CBLIF: variants seen among roughly 807,000 people sequenced by gnomAD.
CBLIF encodes the protein gastric intrinsic factor (vitamin B synthesis).
In CBLIF, 24 loss-of-function variants were observed where a neutral mutation model predicts 44.9. That is an observed-to-expected ratio of 0.53 (90% CI 0.39 to 0.75). The LOEUF (loss-of-function observed/expected upper bound fraction) is 0.75. Among genes scored for constraint, CBLIF ranks in the 30% least tolerant of loss-of-function variants. The pLI, the probability that CBLIF is intolerant of heterozygous loss-of-function variation, is 0.00. For missense variants in CBLIF, 481 were observed against 513.0 expected (o/e 0.94, Z 0.60); for synonymous variants, 183 against 190.9 (o/e 0.96, Z 0.34).
intron 7 of CBLIF, among the ~76,000 whole-genome samples, chr11:59,835,302 C>G (rs1250121250): frequency 6.6e-6 from 1 of 152,024 alleles, no homozygotes; most frequent in African/African-American, 2.4e-5. Flanking sequence ...CGTGCCACCA[C>G]GCCTGGCTAA....
chr11:59,834,311 T>TCTCTTTCTTC (rs1866422365), intron 7 of CBLIF, among the ~76,000 whole-genome samples: 1 of 35,564 alleles, frequency 2.8e-5, no homozygotes, highest in South Asian at 1.1e-3. Flanking sequence ...TTTCTTTCTT[T>TCTCTTTCTTC]CTTCCTTCCT....
rs540841570 is a variant in CBLIF at position 59,831,936 on chromosome 11, G to C, written c.1074-140C>G. On this transcript the variant is annotated intron_variant, in intron 7 of 8. Coordinates refer to ENST00000257248, the MANE Select transcript of CBLIF (RefSeq NM_005142.3). ...AGGTGTGACTTTGTTACCCAGGCTA[G>C]TGGTGAGATCCTAGCTTATGGCAGC... The C allele has an allele frequency of 1.3e-4, 89 of 666,132 alleles. 1 individual carries two copies. The South Asian group carries it at 1.4e-3, about 10-fold the overall frequency. 41.3% of individuals were successfully genotyped at this position (666,132 alleles called of 1,614,324 possible).
intron 1 of CBLIF, 181 bp downstream of exon 1, chr11:59,845,194 G>T: frequency 1.3e-6 from 1 of 791,328 alleles, no homozygotes; most frequent in East Asian, 3.2e-5. Context: ...ATATAGACTT[G>T]TCTCTCAAAG....
Position 59,843,182 on chromosome 11 carries a change from C to T in CBLIF, c.257-41G>A, listed in dbSNP as rs750543480. 3 of 1,197,298 alleles carry T rather than the reference C, an allele frequency of 2.5e-6. No individual in the cohort carries two copies. In the East Asian group the frequency reaches 7.0e-5, roughly 28 times the overall value. 74.2% of individuals were successfully genotyped at this position (1,197,298 alleles called of 1,614,324 possible). On this transcript the variant is annotated intron_variant, in intron 2 of 8. Transcript: ENST00000257248. ...CACAACGGTTAGACAGAGACATCCT[C>T]AGGGGACAGCTCTCCAGGAGCCAGT...
intron 5 of CBLIF, among the ~76,000 whole-genome samples, chr11:59,839,058 AG>A (rs1866490381): frequency 6.6e-6 from 1 of 152,078 alleles, no homozygotes; most frequent in Admixed American, 6.6e-5. Flanking sequence ...CATATTGGCC[AG>A]GCTGGTCTTG....
intron 3 of CBLIF, 138 bp from the exon 4 acceptor site, chr11:59,842,721 A>G (rs1866554346): frequency 2.5e-6 from 2 of 785,872 alleles, no homozygotes; most frequent in South Asian, 2.9e-5. Context: ...ATAGGCAAAG[A>G]GCAACTTCAG....
At position 59,843,902 on chromosome 11, in the gene CBLIF, T is replaced by G; in HGVS notation, c.233A>C (p.Gln78Pro). Residue 78 changes from glutamine to proline, a missense_variant, in exon 2 of 9, where the codon CAG (glutamine) becomes CCG (proline). By Grantham distance (76) the Gln-to-Pro change is moderately conservative. Transcript: ENST00000257248. The part of the protein sequence containing the change: ...NLKAQKLLTY[Q>P]LMSSDNNDLT... ...ACCGTTGTTGTCGCTGGACATGAGCTGGTAAGTCAGGAGCTTCTGGGCCTT... is the reference window on the plus strand; with the variant it reads ...ACCGTTGTTGTCGCTGGACATGAGCGGGTAAGTCAGGAGCTTCTGGGCCTT... The G allele has an allele frequency of 6.2e-7, 1 of 1,613,658 alleles. No individual in the cohort carries two copies. Among genetic ancestry groups the G allele is most frequent in the Non-Finnish European group, 8.5e-7 (1 of 1,179,678 alleles).
chr11:59,833,961 G>C (rs1866408441), intron 7 of CBLIF, among the ~76,000 whole-genome samples: 1 of 152,142 alleles, frequency 6.6e-6, no homozygotes, highest in African/African-American at 2.4e-5. Context: ...GTCCAACCTG[G>C]GTTCCACTCT....
intron 7 of CBLIF, among the ~76,000 whole-genome samples, chr11:59,834,336 C>CTTCA: frequency 7.5e-6 from 1 of 132,724 alleles, no homozygotes; most frequent in African/African-American, 2.8e-5. Flanking sequence ...TCCTTCCTTC[C>CTTCA]TTTTTCTTTC....
intron 8 of CBLIF, among the ~76,000 whole-genome samples, chr11:59,830,023 G>A (rs953478138): frequency 2.0e-5 from 3 of 152,166 alleles, no homozygotes; most frequent in Non-Finnish European, 2.9e-5. Flanking sequence ...AGAAAGAGCA[G>A]TGGGTTGAGA....
intron 6 of CBLIF, 42 bp from the exon 7 acceptor site, chr11:59,836,051 G>T: frequency 1.3e-6 from 2 of 1,514,084 alleles, no homozygotes; most frequent in Non-Finnish European, 1.8e-6. Context: ...AGATTATGGG[G>T]TTTGTATCAT....
At chr11:59,834,297 TTTCTTTC>T (rs1411668119) in intron 7 of CBLIF, among the ~76,000 whole-genome samples, 4 of 121,400 alleles carry the variant, frequency 3.3e-5, no homozygotes, top group African/African-American at 1.2e-4. Context: ...TCTTTCTTTC[TTTCTTTC>T]TTTCTTTCTT....
rs371476220 is a variant in CBLIF at position 59,843,067 on chromosome 11, A to G, written c.331T>C (p.Ser111Pro). The G allele has an allele frequency of 1.9e-6, 3 of 1,613,324 alleles. No homozygotes were observed. The highest frequency in any genetic ancestry group is 1.7e-4 in the Middle Eastern group (1 of 6,058). ...TTCTCCATTTGTCTTTGTAGAATGG[A>G]TACTTTATCCCCAGGGTCTCGGCAG... ...SSCRDPGDKV[S>P]ILQRQMENWA... The change falls in exon 3 of 9, where the codon TCC becomes CCC. Residue 111 changes from serine (S) to proline (P), a missense_variant. Transcript: ENST00000257248.
In CBLIF at chr11:59,831,729, T is replaced by G. The variant is rs1278652263; in HGVS notation, c.1141A>C (p.Asn381His). 2 of 1,607,114 alleles carry G rather than the reference T, an allele frequency of 1.2e-6. No individual in the cohort carries two copies. The highest frequency in any genetic ancestry group is 1.3e-5 in the African/African-American group (1 of 74,784). ...SSINNIAENV[N>H]HKTYWQFLSG... ...AGAAACTGCCAGTATGTCTTGTGAT[T>G]AACATTTTCCGCGATATTGTTGATA... is the stretch of plus-strand genomic sequence containing the variant. Residue 381 changes from asparagine (N) to histidine (H), a missense_variant, in exon 8 of 9, where the codon AAT (asparagine) becomes CAT (histidine). By Grantham distance (68) the Asn-to-His change is moderately conservative. Coordinates refer to ENST00000257248, the MANE Select transcript of CBLIF (RefSeq NM_005142.3).
intron 5 of CBLIF, among the ~76,000 whole-genome samples, chr11:59,840,402 G>A (rs187692852): frequency 5.9e-5 from 9 of 152,314 alleles, no homozygotes; most frequent in African/African-American, 2.2e-4. Flanking sequence ...TTCAGCCACA[G>A]ATGGTTGCTA....
chr11:59,839,893 TAA>T (rs112520963), intron 5 of CBLIF, among the ~76,000 whole-genome samples: 2 of 146,464 alleles, frequency 1.4e-5, no homozygotes, highest in South Asian at 2.2e-4. Context: ...GAGTCACACA[TAA>T]AAAAAAAAAA....
chr11:59,835,997 T>A lies in CBLIF; in HGVS notation c.884A>T (p.Gln295Leu), dbSNP rs1866451272. Residue 295 changes from glutamine to leucine, a missense_variant, in exon 7 of 9, where the codon CAA becomes CTA. By Grantham distance (113) the Gln-to-Leu change is moderately radical. Transcript: ENST00000257248. ...GCCAGGGTTGCTGGGTAGAGTTGGT[T>A]GTACCTCATGATCTGTGAAGGGCAA... ...QVTCSPDHEV[Q>L]PTLPSNPGPG... is the part of the protein sequence containing the mutation. 6.2e-7 allele frequency: 1 copy of A among 1,613,992 alleles called. No individual in the cohort carries two copies. The highest frequency in any genetic ancestry group is 8.5e-7 in the Non-Finnish European group (1 of 1,179,842).
Position 59,843,849 on chromosome 11 carries a change from G to A in CBLIF, c.256+30C>T, listed in dbSNP as rs199704282. 55 of 1,563,374 alleles carry A rather than the reference G, an allele frequency of 3.5e-5. No homozygotes were observed. In the East Asian group the frequency reaches 5.4e-4, roughly 15 times the overall value. The stretch of plus-strand genomic sequence containing the variant: ...GGTGGTATGTGATGTGTGAGATTCA[G>A]GGAGAGTGCGAGCGGCTCAGATGTC... On this transcript the variant is annotated intron_variant, in intron 2 of 8. Coordinates refer to ENST00000257248, the MANE Select transcript of CBLIF (RefSeq NM_005142.3).
At chr11:59,829,602 C>A (rs766276020) in intron 8 of CBLIF, 57 bp from the exon 9 acceptor site, 3 of 1,033,630 alleles carry the variant, frequency 2.9e-6, no homozygotes, top group Admixed American at 3.4e-5. Flanking sequence ...CCACCTCCAT[C>A]CCCCAAGGGA....
Sources: allele counts gnomAD v4.1 joint callset (sites outside exome capture counted in the v4.1 genomes callset), GRCh38; gene constraint gnomAD v4.1.1; transcripts MANE v1.5; gene names NCBI Gene and HGNC (gene_info 2026-07-23, HGNC 2026-07-21).